Variants in OR2L13 observed in about 807,000 individuals in gnomAD.
The protein encoded by OR2L13 is olfactory receptor family 2 subfamily L member 13.
Under a neutral mutation model 15.3 loss-of-function variants are expected in OR2L13, and 14 were observed. That is an observed-to-expected ratio of 0.91 (90% CI 0.60 to 1.43). The LOEUF is 1.43. Ranked by LOEUF, OR2L13 falls within the 40% of genes most tolerant of loss-of-function variation. The pLI is 0.00. For missense variants in OR2L13, 367 were observed against 387.9 expected, an observed-to-expected ratio of 0.95 and a Z score of 0.45; for synonymous variants, 152 against 142.9, an observed-to-expected ratio of 1.06 and a Z score of -0.45.
the OR2L13 span, among the ~76,000 whole-genome samples, chr1:248,083,157 A>T: frequency 1.3e-5 from 2 of 152,196 alleles, no homozygotes; most frequent in Non-Finnish European, 2.9e-5. Flanking sequence ...ATATAATTTT[A>T]AAATAATGTG....
the OR2L13 span, among the ~76,000 whole-genome samples, chr1:247,964,031 C>T: frequency 6.6e-6 from 1 of 152,136 alleles, no homozygotes; most frequent in African/African-American, 2.4e-5. Flanking sequence ...CATTTCCAAA[C>T]AAAAAGTCCT....
At chr1:248,022,142 CT>C in the OR2L13 span, 3 of 1,614,000 alleles carry the variant, frequency 1.9e-6, no homozygotes, top group Non-Finnish European at 2.5e-6. Context: ...TTAGTCAGCT[CT>C]CCCTCATTGA....
the OR2L13 span, chr1:247,966,423 AAC>A: frequency 7.6e-7 from 1 of 1,307,836 alleles, no homozygotes; most frequent in Admixed American, 2.4e-5. Flanking sequence ...AAGTCACAAA[AAC>A]AGTGTTTATC....
the OR2L13 span, among the ~76,000 whole-genome samples, chr1:248,051,444 C>G: frequency 6.6e-6 from 1 of 152,140 alleles, no homozygotes; most frequent in African/African-American, 2.4e-5. Context: ...AATAGTATTG[C>G]TATGAACATG....
At chr1:247,943,222 A>G in the OR2L13 span, among the ~76,000 whole-genome samples, 3,480 of 152,252 alleles carry the variant, frequency 0.023, 56 homozygotes, top group East Asian at 0.037. Flanking sequence ...GGAGCTAAAC[A>G]TTGGGTACAC....
At chr1:248,007,486 G>A in the OR2L13 span, among the ~76,000 whole-genome samples, 1 of 152,166 alleles carries the variant, frequency 6.6e-6, no homozygotes, top group African/African-American at 2.4e-5. Flanking sequence ...ATAAAAAGAA[G>A]TCAAATTATT....
At chr1:248,032,196 A>G in the OR2L13 span, among the ~76,000 whole-genome samples, 7 of 152,294 alleles carry the variant, frequency 4.6e-5, no homozygotes, top group African/African-American at 9.6e-5. Flanking sequence ...ATAATTGAAA[A>G]TAAATTGCTC....
At chr1:247,942,358 A>G in the OR2L13 span, among the ~76,000 whole-genome samples, 1 of 152,236 alleles carries the variant, frequency 6.6e-6, no homozygotes, top group African/African-American at 2.4e-5. Context: ...GGAAACCTCA[A>G]GTTTTCTACA....
At chr1:247,957,425 C>T in the OR2L13 span, among the ~76,000 whole-genome samples, 8 of 152,098 alleles carry the variant, frequency 5.3e-5, no homozygotes, top group African/African-American at 1.9e-4. Context: ...GTGTCTCTGC[C>T]TGGCTTTGGT....
the OR2L13 span, chr1:248,087,373 C>A: frequency 6.6e-6 from 1 of 152,104 alleles, no homozygotes; most frequent in Non-Finnish European, 1.5e-5. Flanking sequence ...TGCAACTTTA[C>A]AAAGGTTACT....
the OR2L13 span, among the ~76,000 whole-genome samples, chr1:248,048,732 A>C: frequency 6.6e-6 from 1 of 152,088 alleles, no homozygotes; most frequent in Non-Finnish European, 1.5e-5. Flanking sequence ...GAAGTTTCAG[A>C]GATTCAGAAC....
chr1:247,966,396 A>G, the OR2L13 span: 472 of 1,500,208 alleles, frequency 3.1e-4, no homozygotes, highest in Non-Finnish European at 3.8e-4. Flanking sequence ...AGATATAAAT[A>G]TGTGTTTTCT....
At chr1:248,038,944 G>A in the OR2L13 span, 34 of 1,613,938 alleles carry the variant, frequency 2.1e-5, no homozygotes, top group East Asian at 2.2e-4. Context: ...GCTGTCTACC[G>A]CATGCACTCT....
the OR2L13 span, among the ~76,000 whole-genome samples, chr1:247,947,221 A>G: frequency 8.5e-5 from 13 of 152,232 alleles, no homozygotes; most frequent in African/African-American, 1.7e-4. Context: ...CAGATCATAC[A>G]TCTCTGAAGA....
chr1:248,011,153 A>G, the OR2L13 span, among the ~76,000 whole-genome samples: 1 of 152,122 alleles, frequency 6.6e-6, no homozygotes, highest in Non-Finnish European at 1.5e-5. Context: ...CCTGGTGGTG[A>G]CAAAATCTCT....
chr1:248,069,386 T>C, the OR2L13 span, among the ~76,000 whole-genome samples: 1 of 151,904 alleles, frequency 6.6e-6, no homozygotes, highest in Admixed American at 6.6e-5. Context: ...GCTTCATAAG[T>C]GAAGGAGAAA....
At chr1:247,979,431 G>C in the OR2L13 span, among the ~76,000 whole-genome samples, 934 of 152,222 alleles carry the variant, frequency 6.1e-3, 10 homozygotes, top group African/African-American at 0.022. Context: ...CTGTCCTTGT[G>C]ATATTTTGCT....
the OR2L13 span, among the ~76,000 whole-genome samples, chr1:248,000,423 CTT>C: frequency 6.6e-5 from 10 of 152,208 alleles, no homozygotes; most frequent in Non-Finnish European, 8.8e-5. Context: ...GGTGAAAAAT[CTT>C]TGTCTTCTGT....
the OR2L13 span, among the ~76,000 whole-genome samples, chr1:247,974,320 G>A: frequency 3.9e-5 from 6 of 151,908 alleles, no homozygotes; most frequent in Non-Finnish European, 8.8e-5. Flanking sequence ...TAATGCATGC[G>A]GGGCTTAAAA....
Sources: allele counts gnomAD v4.1 joint callset (sites outside exome capture counted in the v4.1 genomes callset), GRCh38; gene constraint gnomAD v4.1.1; transcripts MANE v1.5; gene names NCBI Gene and HGNC (gene_info 2026-07-23, HGNC 2026-07-21).